CCDC73: variants seen among roughly 807,000 people sequenced by gnomAD.
CCDC73 encodes coiled-coil domain-containing protein 73.
CCDC73 carries 95 observed loss-of-function variants against 116.5 expected under a neutral mutation model. The ratio of observed to expected loss-of-function variants is 0.82; its 90% CI spans 0.69 to 0.97. CCDC73 has a LOEUF of 0.97. Among genes scored for constraint, CCDC73 ranks in the 50% least tolerant of loss-of-function variants. The probability of loss-of-function intolerance (pLI) is 0.00; values close to 1 mark genes in which losing one functional copy is unlikely to be tolerated. For synonymous variants in CCDC73, 398 were observed against 401.3 expected, an observed-to-expected ratio of 0.99 and a Z score of 0.10; for missense variants, 1,066 against 1,206.8, an observed-to-expected ratio of 0.88 and a Z score of 1.73.
At chr11:32,733,560 A>G (rs1184345846) in intron 2 of CCDC73, among the ~76,000 whole-genome samples, 2 of 152,224 alleles carry the variant, frequency 1.3e-5, no homozygotes, top group African/African-American at 2.4e-5. Flanking sequence ...AGAAATTATA[A>G]CAAACTGTCT....
chr11:32,809,971 A>T, the CCDC73 span, among the ~76,000 whole-genome samples: 52 of 152,378 alleles, frequency 3.4e-4, no homozygotes, highest in African/African-American at 1.2e-3. Flanking sequence ...AGACATAGGT[A>T]ATAATAAATG....
intron 3 of CCDC73, among the ~76,000 whole-genome samples, chr11:32,710,755 G>A (rs1487323240): frequency 6.6e-6 from 1 of 152,124 alleles, no homozygotes; most frequent in African/African-American, 2.4e-5. Flanking sequence ...CTTCTGTCTG[G>A]ATGATCTGTC....
intron 2 of CCDC73, among the ~76,000 whole-genome samples, chr11:32,721,897 T>G (rs116857334): frequency 0.034 from 5,163 of 152,266 alleles, 117 homozygotes; most frequent in Non-Finnish European, 0.052. Flanking sequence ...GTGCCCAGCC[T>G]ATGACTCACT....
the CCDC73 span, among the ~76,000 whole-genome samples, chr11:32,815,905 A>G: frequency 1.3e-5 from 2 of 152,196 alleles, no homozygotes; most frequent in Non-Finnish European, 2.9e-5. Flanking sequence ...TCCTTTCTGC[A>G]TGGAAACTTC....
At chr11:32,770,754 C>CT (rs796960141) in intron 1 of CCDC73, among the ~76,000 whole-genome samples, 2 of 152,038 alleles carry the variant, frequency 1.3e-5, no homozygotes, top group East Asian at 1.9e-4. Flanking sequence ...TGTAAACTGA[C>CT]TTTTTTTTAG....
chr11:32,639,697 C>T (rs1418334957), intron 13 of CCDC73, among the ~76,000 whole-genome samples: 2 of 152,194 alleles, frequency 1.3e-5, no homozygotes, highest in Non-Finnish European at 2.9e-5. Flanking sequence ...GATCCACCTG[C>T]CTTGGCCTCC....
At chr11:32,645,427 G>C (rs1024886056) in intron 12 of CCDC73, among the ~76,000 whole-genome samples, 4 of 151,780 alleles carry the variant, frequency 2.6e-5, no homozygotes, top group Non-Finnish European at 4.4e-5. Context: ...GAGTAGCTGG[G>C]ATTACAGGTG....
chr11:32,686,030 T>C (rs1856196603), intron 6 of CCDC73, among the ~76,000 whole-genome samples: 2 of 151,864 alleles, frequency 1.3e-5, no homozygotes, highest in South Asian at 4.2e-4. Context: ...CTGACTTAGC[T>C]TTTTAAAGAC....
At chr11:32,692,299 C>T (rs1856268349) in intron 6 of CCDC73, among the ~76,000 whole-genome samples, 1 of 151,904 alleles carries the variant, frequency 6.6e-6, no homozygotes, top group Non-Finnish European at 1.5e-5. Flanking sequence ...TTTTTTATTA[C>T]ATTTCCTTCT....
chr11:32,748,259 AT>A, intron 2 of CCDC73, among the ~76,000 whole-genome samples: 3 of 27,672 alleles, frequency 1.1e-4, no homozygotes, highest in Admixed American at 5.4e-4. Context: ...CTCTGGTGGT[AT>A]TTTTTAATTC....
chr11:32,727,014 T>G (rs1010350614), intron 2 of CCDC73, among the ~76,000 whole-genome samples: 3 of 152,192 alleles, frequency 2.0e-5, no homozygotes, highest in African/African-American at 4.8e-5. Context: ...TCTCCTTAGA[T>G]TCCTCCATTC....
chr11:32,749,615 A>AT (rs750230961), intron 2 of CCDC73, among the ~76,000 whole-genome samples: 16 of 151,762 alleles, frequency 1.1e-4, no homozygotes, highest in Non-Finnish European at 1.8e-4. Context: ...AGAGTGGGGT[A>AT]TTTTTTGTAG....
chr11:32,778,926 T>C (rs1360856344), intron 1 of CCDC73, among the ~76,000 whole-genome samples: 1 of 152,118 alleles, frequency 6.6e-6, no homozygotes, highest in Non-Finnish European at 1.5e-5. Flanking sequence ...ACTTTAAAAA[T>C]GTATAACTGG....
At chr11:32,745,624 T>C (rs951563206) in intron 2 of CCDC73, among the ~76,000 whole-genome samples, 1 of 152,236 alleles carries the variant, frequency 6.6e-6, no homozygotes, top group Non-Finnish European at 1.5e-5. Context: ...TTAGCTCTTC[T>C]TGTTGAATTG....
chr11:32,736,778 T>C (rs1590621816), intron 2 of CCDC73, among the ~76,000 whole-genome samples: 2 of 151,862 alleles, frequency 1.3e-5, no homozygotes, highest in East Asian at 3.9e-4. Context: ...CCATCAATGA[T>C]AGACTGGATT....
intron 2 of CCDC73, 145 bp downstream of exon 2, chr11:32,759,964 C>T: frequency 3.0e-6 from 2 of 660,116 alleles, no homozygotes; most frequent in Non-Finnish European, 5.2e-6. Context: ...TTAATCTGTC[C>T]TATTCTCTTT....
intron 2 of CCDC73, among the ~76,000 whole-genome samples, chr11:32,753,941 T>C (rs1850310235): frequency 6.6e-6 from 1 of 152,188 alleles, no homozygotes; most frequent in African/African-American, 2.4e-5. Context: ...ATAAGGTATG[T>C]ATGAATGCTC....
At chr11:32,650,288 A>G (rs1206200574) in intron 12 of CCDC73, among the ~76,000 whole-genome samples, 1 of 152,218 alleles carries the variant, frequency 6.6e-6, no homozygotes, top group East Asian at 1.9e-4. Context: ...ATCACGACAG[A>G]TTTAATCCTA....
intron 12 of CCDC73, among the ~76,000 whole-genome samples, chr11:32,651,473 C>A (rs115216808): frequency 0.048 from 7,268 of 152,196 alleles, 193 homozygotes; most frequent in African/African-American, 0.063. Context: ...GTGACCCAGT[C>A]AAACTGCACC....
Sources: allele counts gnomAD v4.1 joint callset (sites outside exome capture counted in the v4.1 genomes callset), GRCh38; gene constraint gnomAD v4.1.1; transcripts MANE v1.5; gene names NCBI Gene and HGNC (gene_info 2026-07-23, HGNC 2026-07-21).